ZSCAN5A: variants seen among roughly 807,000 people sequenced by gnomAD.
ZSCAN5A encodes the protein zinc finger and SCAN domain containing 5A.
In ZSCAN5A, 12 loss-of-function variants were observed where a neutral mutation model predicts 23.7. The observed-to-expected ratio is 0.51, with a 90% CI of 0.32 to 0.82. ZSCAN5A has a LOEUF of 0.82. ZSCAN5A is among the 40% of genes least tolerant of loss of function. ZSCAN5A has a pLI of 0.03. For missense variants in ZSCAN5A, 597 were observed against 617.9 expected (o/e 0.97, Z 0.36); for synonymous variants, 257 against 239.9 (o/e 1.07, Z -0.66).
intron 2 of ZSCAN5A, among the ~76,000 whole-genome samples, chr19:56,262,017 A>G (rs1369363658): frequency 6.6e-6 from 1 of 152,084 alleles, no homozygotes; most frequent in Non-Finnish European, 1.5e-5. Context: ...CCTACAGGTA[A>G]CCACTTTTCT....
At chr19:56,242,645 G>A (rs772548058) in intron 2 of ZSCAN5A, among the ~76,000 whole-genome samples, 1 of 152,298 alleles carries the variant, frequency 6.6e-6, no homozygotes, top group South Asian at 2.1e-4. Context: ...TCCCCCACCT[G>A]TGGCTAGGAA....
rs559686920 is a variant in ZSCAN5A, at chr19:56,330,139, C to T, written c.-357-13871G>A. ...TTAGGATAATGGTTTCTACCTGCATCGATGTCACTGCAAAGCACAAGATTT... is the reference window on the plus strand; with the variant it reads ...TTAGGATAATGGTTTCTACCTGCATTGATGTCACTGCAAAGCACAAGATTT... On this transcript the variant is annotated intron_variant, in intron 2 of 6. Coordinates refer to the ZSCAN5A transcript ENST00000587340. Among the ~76,000 whole-genome samples the T allele has an allele frequency of 2.6e-5, 4 of 152,294 alleles. No individual in the cohort carries two copies. The East Asian group carries it at 7.7e-4, about 29-fold the overall frequency.
intron 2 of ZSCAN5A, among the ~76,000 whole-genome samples, chr19:56,269,934 T>G (rs892228507): frequency 6.6e-6 from 1 of 152,202 alleles, no homozygotes; most frequent in African/African-American, 2.4e-5. Context: ...TCACAAATTT[T>G]ATGGTAATTT....
chr19:56,348,521 A>T (rs147749320), intron 2 of ZSCAN5A, among the ~76,000 whole-genome samples: 54 of 152,314 alleles, frequency 3.5e-4, no homozygotes, highest in Admixed American at 7.2e-4. Flanking sequence ...GATAAGCAGT[A>T]GTCACTCTCC....
intron 2 of ZSCAN5A, among the ~76,000 whole-genome samples, chr19:56,325,653 CTT>C (rs1019985822): frequency 1.7e-4 from 25 of 150,474 alleles, no homozygotes; most frequent in African/African-American, 5.4e-4. Flanking sequence ...GAAGTAGACA[CTT>C]AAAAAAAAAA....
intron 2 of ZSCAN5A, among the ~76,000 whole-genome samples, chr19:56,243,426 C>CGT (rs1555795361): frequency 1.3e-5 from 2 of 151,774 alleles, no homozygotes; most frequent in African/African-American, 4.8e-5. Flanking sequence ...GTTGAATTCT[C>CGT]ATGATTACTT....
rs767752949 is a variant in ZSCAN5A at position 56,221,687 on chromosome 19, C to T, written c.1379G>A (p.Arg460His). ...TYRGSLKEHQRIHSGEKPYKC... is the reference protein window; with the variant it reads ...TYRGSLKEHQHIHSGEKPYKC... ...GTAGGGTTTCTCTCCGGAGTGGATG[C>T]GCTGGTGCTCCTTCAGGCTCCCCCT... Residue 460 changes from arginine (R) to histidine (H), a missense_variant, in exon 6 of 6, where the codon CGC becomes CAC. Transcript: ENST00000683990. 3.7e-6 allele frequency: 6 copies of T among 1,614,086 alleles called. No homozygotes were observed. Among genetic ancestry groups the T allele is most frequent in the Non-Finnish European group, 2.5e-6 (3 of 1,180,044 alleles).
intron 2 of ZSCAN5A, among the ~76,000 whole-genome samples, chr19:56,259,562 C>T (rs1426710117): frequency 6.6e-6 from 1 of 152,072 alleles, no homozygotes; most frequent in African/African-American, 2.4e-5. Flanking sequence ...ATGCTTGTGG[C>T]GTGTGTACTA....
chr19:56,318,275 C>T (rs1002595569), upstream of ZSCAN5A, among the ~76,000 whole-genome samples: 4 of 152,150 alleles, frequency 2.6e-5, no homozygotes, highest in East Asian at 1.9e-4. Context: ...ATTCATGCTT[C>T]CGGTTCTTAT....
chr19:56,358,886 G>C (rs1262700410), intron 2 of ZSCAN5A, among the ~76,000 whole-genome samples: 1 of 152,166 alleles, frequency 6.6e-6, no homozygotes, highest in Non-Finnish European at 1.5e-5. Flanking sequence ...TGAGAACGAA[G>C]AGACAACATA....
chr19:56,230,659 G>T (rs2034389365), intron 2 of ZSCAN5A, among the ~76,000 whole-genome samples: 1 of 149,254 alleles, frequency 6.7e-6, no homozygotes, highest in African/African-American at 2.5e-5. Context: ...GTGTGTGTTG[G>T]AAACATTTAA....
At chr19:56,239,087 C>A (rs2035209472) in intron 2 of ZSCAN5A, among the ~76,000 whole-genome samples, 1 of 152,228 alleles carries the variant, frequency 6.6e-6, no homozygotes, top group African/African-American at 2.4e-5. Flanking sequence ...CTGACATAAT[C>A]TTATATCATC....
chr19:56,260,989 T>G (rs1207526293), intron 2 of ZSCAN5A, among the ~76,000 whole-genome samples: 1 of 151,688 alleles, frequency 6.6e-6, no homozygotes, highest in African/African-American at 2.4e-5. Flanking sequence ...GGGTGGATCA[T>G]CTGAGGTCAG....
At chr19:56,361,847 G>A (rs956748490) in intron 2 of ZSCAN5A, among the ~76,000 whole-genome samples, 1 of 151,948 alleles carries the variant, frequency 6.6e-6, no homozygotes, top group Non-Finnish European at 1.5e-5. Context: ...CCTGCACATG[G>A]TCTCTGGAAC....
intron 2 of ZSCAN5A, among the ~76,000 whole-genome samples, chr19:56,267,873 A>G (rs117850936): frequency 1.3e-5 from 2 of 152,334 alleles, no homozygotes; most frequent in Non-Finnish European, 2.9e-5. Context: ...GACTGTTGCT[A>G]TGACACCTCC....
At chr19:56,238,004 T>C (rs1436180444) in intron 2 of ZSCAN5A, among the ~76,000 whole-genome samples, 2 of 5,436 alleles carry the variant, frequency 3.7e-4, no homozygotes, top group Non-Finnish European at 8.4e-4. Flanking sequence ...TACGCACACA[T>C]ACACACACAC....
At chr19:56,270,875 A>C (rs1424441257) in intron 2 of ZSCAN5A, among the ~76,000 whole-genome samples, 1 of 152,168 alleles carries the variant, frequency 6.6e-6, no homozygotes, top group Non-Finnish European at 1.5e-5. Flanking sequence ...ATCTAGTCCT[A>C]AATGTCAGCT....
intron 1 of ZSCAN5A, chr19:56,367,716 G>A (rs2041780182): frequency 6.6e-6 from 1 of 152,204 alleles, no homozygotes; most frequent in Non-Finnish European, 1.5e-5. Flanking sequence ...ATGAGCAACT[G>A]AAGCTCATAA....
chr19:56,256,846 C>T (rs2033489), intron 2 of ZSCAN5A, among the ~76,000 whole-genome samples: 101,595 of 151,874 alleles, frequency 0.67, 35,467 homozygotes, highest in African/African-American at 0.88. Flanking sequence ...TTGAGAAGCA[C>T]TGGAAAAATC....
Sources: allele counts gnomAD v4.1 joint callset (sites outside exome capture counted in the v4.1 genomes callset), GRCh38; gene constraint gnomAD v4.1.1; transcripts MANE v1.5; gene names NCBI Gene and HGNC (gene_info 2026-07-23, HGNC 2026-07-21).